Variants in ERP44 observed in about 807,000 individuals in gnomAD.
ERP44 encodes the protein endoplasmic reticulum protein 44.
Under a neutral mutation model 53.4 loss-of-function variants are expected in ERP44, and 25 were observed. The ratio of observed to expected loss-of-function variants is 0.47; its 90% confidence interval spans 0.34 to 0.65. ERP44 has a LOEUF of 0.65. ERP44 is among the 30% of genes least tolerant of loss of function. The pLI is 0.01. For synonymous variants in ERP44, 145 were observed against 161.2 expected (o/e 0.90, Z 0.76); for missense variants, 338 against 493.2 (o/e 0.69, Z 2.98).
intron 10 of ERP44, among the ~76,000 whole-genome samples, chr9:99,997,877 A>T (rs1439587581): frequency 1.3e-5 from 2 of 150,688 alleles, no homozygotes; most frequent in Non-Finnish European, 3.0e-5. Context: ...ACCACAGCTC[A>T]GAGGCCACCG....
At chr9:100,092,466 C>T (rs1004167039) in intron 1 of ERP44, among the ~76,000 whole-genome samples, 1 of 152,088 alleles carries the variant, frequency 6.6e-6, no homozygotes, top group Non-Finnish European at 1.5e-5. Context: ...ACGTTATAGA[C>T]AAGAAAAACA....
At chr9:99,984,087 T>C (rs1830175034) in intron 11 of ERP44, among the ~76,000 whole-genome samples, 1 of 152,206 alleles carries the variant, frequency 6.6e-6, no homozygotes, top group African/African-American at 2.4e-5. Flanking sequence ...AAATCTGACC[T>C]AATTTTTAAA....
intron 2 of ERP44, among the ~76,000 whole-genome samples, chr9:100,058,693 T>A (rs1160053904): frequency 2.6e-5 from 4 of 152,218 alleles, no homozygotes; most frequent in Admixed American, 1.3e-4. Flanking sequence ...AATAACAGCA[T>A]CATTTGCACA....
At chr9:100,060,022 T>C in intron 2 of ERP44, 78 bp downstream of exon 2, 1 of 1,184,352 alleles carries the variant, frequency 8.4e-7, no homozygotes, top group South Asian at 2.4e-5. Flanking sequence ...GAGATTTTAT[T>C]GGGTTTTTTT....
chr9:99,996,079 T>G (rs910631147), intron 10 of ERP44, among the ~76,000 whole-genome samples: 13 of 152,154 alleles, frequency 8.5e-5, no homozygotes, highest in African/African-American at 3.1e-4. Context: ...CTTCTATGGT[T>G]TGCATATGGT....
At position 99,979,713 on chromosome 9, in the gene ERP44, T is replaced by C. The variant is rs1205561913; in HGVS notation, c.*2899A>G. 2 of 371,394 alleles carry C rather than the reference T, an allele frequency of 5.4e-6. No homozygotes were observed. The highest frequency in any genetic ancestry group is 7.7e-5 in the East Asian group (2 of 25,954). 23.0% of individuals were successfully genotyped at this position (371,394 alleles called of 1,614,324 possible). A position where few individuals can be genotyped will look rare whatever the true frequency, so the allele number is the denominator to read the frequency against. On this transcript the variant is annotated 3_prime_UTR_variant, in exon 12 of 12. Coordinates refer to ENST00000262455, the MANE Select transcript of ERP44 (RefSeq NM_015051.3). The stretch of plus-strand genomic sequence containing the variant: ...TGTTCTTCAGTCTGGTCTTGCATCC[T>C]CTCTTCCCAGCTGAGAAGCCTGAGG...
chr9:100,014,980 G>A (rs1160909445), intron 8 of ERP44, among the ~76,000 whole-genome samples: 1 of 152,188 alleles, frequency 6.6e-6, no homozygotes, highest in Non-Finnish European at 1.5e-5. Context: ...GCTGCAGACT[G>A]CCTACTTCTC....
chr9:100,043,454 G>A (rs1018291727), intron 4 of ERP44, among the ~76,000 whole-genome samples: 3 of 150,978 alleles, frequency 2.0e-5, no homozygotes, highest in Non-Finnish European at 4.4e-5. Flanking sequence ...TGACTATTAC[G>A]GACTTCAAAA....
At chr9:100,092,403 GAAAATAAGAT>G (rs1826569311) in intron 1 of ERP44, among the ~76,000 whole-genome samples, 1 of 152,176 alleles carries the variant, frequency 6.6e-6, no homozygotes, top group Non-Finnish European at 1.5e-5. Flanking sequence ...AGTCTATCTT[GAAAATAAGAT>G]AGACTACACA....
intron 10 of ERP44, among the ~76,000 whole-genome samples, chr9:99,995,810 T>G (rs1011219309): frequency 6.6e-6 from 1 of 152,188 alleles, no homozygotes; most frequent in Non-Finnish European, 1.5e-5. Context: ...TCTTGCCTAT[T>G]GTGAATAATG....
At chr9:99,986,311 C>T (rs1830195215) in intron 10 of ERP44, among the ~76,000 whole-genome samples, 2 of 152,064 alleles carry the variant, frequency 1.3e-5, no homozygotes, top group Admixed American at 1.3e-4. Context: ...GTAAAAGATA[C>T]CTGCATTTTA....
At chr9:100,064,089 C>A (rs1826185547) in intron 1 of ERP44, among the ~76,000 whole-genome samples, 1 of 152,196 alleles carries the variant, frequency 6.6e-6, no homozygotes, top group African/African-American at 2.4e-5. Flanking sequence ...GCTCTGAACA[C>A]CAAGAGCACT....
intron 2 of ERP44, among the ~76,000 whole-genome samples, chr9:100,059,738 T>A (rs1401319787): frequency 6.6e-6 from 1 of 151,124 alleles, no homozygotes; most frequent in Non-Finnish European, 1.5e-5. Flanking sequence ...ACTGGACCAA[T>A]AACAATAAAA....
In ERP44 at chr9:100,006,508, T is replaced by C. The variant is rs1179318261; in HGVS notation, c.1014A>G (p.Val338=). The C allele has an allele frequency of 3.1e-6, 5 of 1,599,866 alleles. No homozygotes were observed. Among genetic ancestry groups the C allele is most frequent in the Non-Finnish European group, 3.4e-6 (4 of 1,173,992 alleles). ...HMYVFGDFKD[V]LIPGKLKQFV... ...TAAAAAACAAAATGAATACTCACAA[T>C]ACATCTTTGAAGTCTCCAAACACAT... Residue 338 remains valine (V), a splice_region_variant and synonymous_variant, in exon 10 of 12, where the codon GTA becomes GTG. Transcript: ENST00000262455.
intron 1 of ERP44, among the ~76,000 whole-genome samples, chr9:100,078,455 C>CG (rs545351808): frequency 8.7e-6 from 1 of 114,728 alleles, no homozygotes; most frequent in East Asian, 2.5e-4. Flanking sequence ...AAGACTCTAT[C>CG]AAAAAAAAAA....
At chr9:100,004,364 C>T (rs1830406765) in intron 10 of ERP44, among the ~76,000 whole-genome samples, 1 of 152,196 alleles carries the variant, frequency 6.6e-6, no homozygotes, top group South Asian at 2.1e-4. Context: ...CCTGAAGCCA[C>T]TGGGTTTGGC....
intron 5 of ERP44, among the ~76,000 whole-genome samples, chr9:100,021,340 G>C (rs909825128): frequency 1.3e-5 from 2 of 152,204 alleles, no homozygotes; most frequent in African/African-American, 4.8e-5. Flanking sequence ...GGAGCCCTCT[G>C]TATTGCCTCC....
rs148690517 is a variant in ERP44 at position 100,006,579 on chromosome 9, G to A, written c.943C>T (p.Pro315Ser). 3 of 1,611,150 alleles carry A rather than the reference G, an allele frequency of 1.9e-6. No homozygotes were observed. The highest frequency in any genetic ancestry group is 2.5e-6 in the Non-Finnish European group (3 of 1,178,226). Residue 315 changes from proline (P) to serine (S), a missense_variant, in exon 10 of 12, where the codon CCA becomes TCA. This residue lies in a region of ERP44 where 113 missense variants were observed against 172.6 expected (regional missense o/e 0.65). Coordinates refer to ENST00000262455, the MANE Select transcript of ERP44 (RefSeq NM_015051.3). The stretch of plus-strand genomic sequence containing the variant: ...ATAGCGATTACAGGACAATCTGCTG[G>A]AGTTTTCTGTATGTGCAGAAGAGGA... ...RHPLLHIQKTPADCPVIAIDS... is the reference protein window; with the variant it reads ...RHPLLHIQKTSADCPVIAIDS...
chr9:100,012,751 T>C (rs1205820166), intron 8 of ERP44, among the ~76,000 whole-genome samples: 1 of 152,190 alleles, frequency 6.6e-6, no homozygotes, highest in Non-Finnish European at 1.5e-5. Context: ...GCTGTTGGCA[T>C]AGACTTCTGC....
Sources: allele counts gnomAD v4.1 joint callset (sites outside exome capture counted in the v4.1 genomes callset), GRCh38; gene constraint gnomAD v4.1.1; regional missense constraint gnomAD v4.1.1; transcripts MANE v1.5; gene names NCBI Gene and HGNC (gene_info 2026-07-23, HGNC 2026-07-21).